DDC: variants seen among roughly 807,000 people sequenced by gnomAD.
The protein encoded by DDC is dopa decarboxylase, also known as aromatic-L-amino-acid decarboxylase.
Under a neutral mutation model 60.0 loss-of-function variants are expected in DDC, and 43 were observed. The observed-to-expected ratio is 0.72, with a 90% CI of 0.56 to 0.92. The LOEUF (loss-of-function observed/expected upper bound fraction) is 0.92. Ranked by LOEUF, DDC falls within the 40% of genes least tolerant of loss-of-function variation. The pLI, the probability that DDC is intolerant of heterozygous loss-of-function variation, is 0.00. For missense variants in DDC, 573 were observed against 620.2 expected, an observed-to-expected ratio of 0.92 and a Z score of 0.81; for synonymous variants, 232 against 234.6, an observed-to-expected ratio of 0.99 and a Z score of 0.10.
chr7:50,470,024 C>A (rs771121656), intron 12 of DDC, 49 bp downstream of exon 12: 2 of 1,219,118 alleles, frequency 1.6e-6, no homozygotes, highest in African/African-American at 1.5e-5. Context: ...TCTAAAGTCC[C>A]GAAAGACCTC....
chr7:50,493,931 T>C (rs2043065070), intron 9 of DDC, among the ~76,000 whole-genome samples: 2 of 152,200 alleles, frequency 1.3e-5, no homozygotes, highest in Admixed American at 1.3e-4. Context: ...GAAAAGTTAT[T>C]CACTTAATTA....
chr7:50,482,176 A>T (rs190106303), intron 9 of DDC, among the ~76,000 whole-genome samples: 1 of 152,328 alleles, frequency 6.6e-6, no homozygotes, highest in East Asian at 1.9e-4. Flanking sequence ...ATCAGTCTCC[A>T]CAACAGTTCT....
chr7:50,564,718 G>A (rs1313855382), intron 1 of DDC, among the ~76,000 whole-genome samples: 1 of 152,176 alleles, frequency 6.6e-6, no homozygotes, highest in Admixed American at 6.5e-5. Flanking sequence ...GCAAGTTGGT[G>A]GGAAAGATCT....
Position 50,537,854 on chromosome 7 carries a change from C to A in DDC, c.435+6G>T, listed in dbSNP as rs373041067. The A allele has an allele frequency of 7.3e-4, 1,184 of 1,614,186 alleles. 2 individuals are homozygous for A. Among genetic ancestry groups the A allele is most frequent in the Non-Finnish European group, 9.4e-4 (1,107 of 1,180,030 alleles). On this transcript the variant is annotated splice_donor_region_variant and intron_variant, in intron 4 of 14. Coordinates refer to ENST00000444124, the MANE Select transcript of DDC (RefSeq NM_001082971.2). ...CCAAAAGTGGCCCTCACAGCTCCCA[C>A]CTTACCTGGATCACTCCTCCCCCTT...
At chr7:50,559,196 C>T (rs1056996360) in intron 1 of DDC, among the ~76,000 whole-genome samples, 1 of 152,200 alleles carries the variant, frequency 6.6e-6, no homozygotes, top group Non-Finnish European at 1.5e-5. Flanking sequence ...GCAGCAGGCA[C>T]GGAGCTCCTC....
chr7:50,478,004 C>G (rs996853000), intron 10 of DDC, among the ~76,000 whole-genome samples: 3 of 150,996 alleles, frequency 2.0e-5, no homozygotes, highest in Non-Finnish European at 4.4e-5. Flanking sequence ...GAGTTCAAGA[C>G]TAGCTTTGGC....
chr7:50,535,958 T>C, intron 4 of DDC, among the ~76,000 whole-genome samples: 1 of 152,020 alleles, frequency 6.6e-6, no homozygotes, highest in East Asian at 1.9e-4. Flanking sequence ...ACCAGGAAAG[T>C]GTGAAAGGAA....
intron 9 of DDC, among the ~76,000 whole-genome samples, chr7:50,489,318 C>G (rs1047640832): frequency 1.3e-5 from 2 of 152,144 alleles, no homozygotes; most frequent in Non-Finnish European, 1.5e-5. Context: ...AAAGCAAATG[C>G]TTTCTTCCTA....
chr7:50,553,327 A>G (rs2045071367), intron 1 of DDC, among the ~76,000 whole-genome samples: 1 of 152,164 alleles, frequency 6.6e-6, no homozygotes, highest in African/African-American at 2.4e-5. Flanking sequence ...AAAAGGAGCC[A>G]TAGTTTATGT....
At chr7:50,545,246 TC>T (rs2044763523) in intron 1 of DDC, among the ~76,000 whole-genome samples, 1 of 152,220 alleles carries the variant, frequency 6.6e-6, no homozygotes, top group East Asian at 1.9e-4. Flanking sequence ...CATATGTACG[TC>T]CCTGAGTGGT....
At chr7:50,516,020 A>C (rs1359774025) in intron 6 of DDC, among the ~76,000 whole-genome samples, 1 of 152,222 alleles carries the variant, frequency 6.6e-6, no homozygotes, top group Non-Finnish European at 1.5e-5. Flanking sequence ...ACAGGTCATC[A>C]AGACAGAAAG....
At chr7:50,483,466 C>T (rs1286140163) in intron 9 of DDC, among the ~76,000 whole-genome samples, 2 of 152,154 alleles carry the variant, frequency 1.3e-5, no homozygotes, top group Non-Finnish European at 2.9e-5. Flanking sequence ...TCTGTCTCAG[C>T]TTCTCATCTG....
At chr7:50,469,918 G>T (rs2042489946) in intron 12 of DDC, among the ~76,000 whole-genome samples, 155 bp downstream of exon 12, 1 of 151,716 alleles carries the variant, frequency 6.6e-6, no homozygotes, top group Non-Finnish European at 1.5e-5. Context: ...GGCAGAGGTT[G>T]CAGTGAGCTG....
At chr7:50,462,835 T>A (rs2042311226) in intron 14 of DDC, among the ~76,000 whole-genome samples, 1 of 146,500 alleles carries the variant, frequency 6.8e-6, no homozygotes, top group Admixed American at 7.0e-5. Flanking sequence ...AGTGGCGCGA[T>A]CTCGGCTCAC....
At chr7:50,524,192 G>A (rs1164807544) in intron 6 of DDC, among the ~76,000 whole-genome samples, 3 of 152,116 alleles carry the variant, frequency 2.0e-5, no homozygotes, top group African/African-American at 7.2e-5. Context: ...TGGAGCACAG[G>A]GGATTTTTAT....
At chr7:50,534,929 T>C (rs11763051) in intron 4 of DDC, among the ~76,000 whole-genome samples, 144,010 of 152,226 alleles carry the variant, frequency 0.95, 68,247 homozygotes, top group Non-Finnish European at 0.98. Flanking sequence ...GTGCAGTAGC[T>C]CCCTCCCCTC....
intron 1 of DDC, among the ~76,000 whole-genome samples, chr7:50,553,017 A>G (rs949594153): frequency 2.6e-5 from 4 of 152,214 alleles, no homozygotes; most frequent in African/African-American, 9.6e-5. Context: ...TGGGCACTGC[A>G]ATTTCACTCT....
chr7:50,524,585 A>G (rs937172997), intron 6 of DDC, among the ~76,000 whole-genome samples: 1 of 152,252 alleles, frequency 6.6e-6, no homozygotes, highest in Non-Finnish European at 1.5e-5. Flanking sequence ...TTCATTAGTT[A>G]TCAGGGAACT....
At chr7:50,473,707 T>C (rs2042582212) in intron 11 of DDC, among the ~76,000 whole-genome samples, 1 of 152,214 alleles carries the variant, frequency 6.6e-6, no homozygotes, top group Admixed American at 6.5e-5. Context: ...CCCACATGGC[T>C]CCTGACTCAT....
Sources: allele counts gnomAD v4.1 joint callset (sites outside exome capture counted in the v4.1 genomes callset), GRCh38; gene constraint gnomAD v4.1.1; transcripts MANE v1.5; gene names NCBI Gene and HGNC (gene_info 2026-07-23, HGNC 2026-07-21).